NCK1: variants seen among roughly 807,000 people sequenced by gnomAD.
The protein encoded by NCK1 is SH2/SH3 adapter protein NCK1.
Under a neutral mutation model 36.6 loss-of-function variants are expected in NCK1, and 19 were observed. The ratio of observed to expected loss-of-function variants is 0.52; its 90% CI spans 0.36 to 0.76. The LOEUF (loss-of-function observed/expected upper bound fraction) is 0.76. Ranked by LOEUF, NCK1 falls within the 30% of genes least tolerant of loss-of-function variation. The probability of loss-of-function intolerance (pLI) is 0.00; values close to 1 mark genes in which losing one functional copy is unlikely to be tolerated. For synonymous variants in NCK1, 165 were observed against 156.0 expected, an observed-to-expected ratio of 1.06 and a Z score of -0.43; for missense variants, 358 against 445.6, an observed-to-expected ratio of 0.80 and a Z score of 1.77.
At chr3:136,940,109 G>A (rs1940633203) in intron 2 of NCK1, among the ~76,000 whole-genome samples, 3 of 152,034 alleles carry the variant, frequency 2.0e-5, no homozygotes, top group South Asian at 4.2e-4. Flanking sequence ...GTGATCCCCC[G>A]ACCTTGGACT....
At chr3:136,937,990 C>T (rs985863050) in intron 2 of NCK1, among the ~76,000 whole-genome samples, 1 of 152,126 alleles carries the variant, frequency 6.6e-6, no homozygotes, top group Admixed American at 6.5e-5. Flanking sequence ...CCTGTTCTTA[C>T]GGTGGAAAAC....
At position 136,948,695 on chromosome 3, in the gene NCK1, C is replaced by T; in HGVS notation, c.*242C>T. The T allele has an allele frequency of 3.5e-6, 1 of 285,768 alleles. No homozygotes were observed. The highest frequency in any genetic ancestry group is 6.5e-6 in the Non-Finnish European group (1 of 154,832). The allele number at this position is 285,768 out of a possible 1,614,324, so 17.7% of individuals were successfully genotyped here. On this transcript the variant is annotated 3_prime_UTR_variant, in exon 4 of 4. Transcript: ENST00000481752. ...TTATTGTTTTTTTCTTTGCTGTTTT[C>T]CCTTTGCTTCTAATATTACAGTTTT...
intron 1 of NCK1, among the ~76,000 whole-genome samples, chr3:136,887,696 G>T (rs1290207578): frequency 6.6e-6 from 1 of 152,116 alleles, no homozygotes; most frequent in Non-Finnish European, 1.5e-5. Context: ...AGAATTTTTA[G>T]CATTAGGTAG....
At chr3:136,895,599 CTG>C (rs1459430153) in intron 1 of NCK1, among the ~76,000 whole-genome samples, 1 of 152,004 alleles carries the variant, frequency 6.6e-6, no homozygotes, top group Non-Finnish European at 1.5e-5. Flanking sequence ...GAGTCCCACT[CTG>C]TTGCCCAGGC....
At chr3:136,875,740 TCAA>T (rs1173071119) in intron 1 of NCK1, among the ~76,000 whole-genome samples, 2 of 148,952 alleles carry the variant, frequency 1.3e-5, no homozygotes, top group Non-Finnish European at 3.0e-5. Context: ...ATTAGACAGA[TCAA>T]CGAGACAGAA....
intron 1 of NCK1, among the ~76,000 whole-genome samples, chr3:136,878,580 T>C (rs1466488607): frequency 6.6e-6 from 1 of 152,152 alleles, no homozygotes. Flanking sequence ...AGTTTCTTTT[T>C]GGGGTGACAA....
chr3:136,945,466 TA>T, intron 2 of NCK1, 116 bp from the exon 3 acceptor site: 2 of 667,986 alleles, frequency 3.0e-6, no homozygotes, highest in Non-Finnish European at 4.6e-6. Flanking sequence ...TTGTTATATT[TA>T]AAAGCTTTAA....
intron 1 of NCK1, among the ~76,000 whole-genome samples, chr3:136,865,555 T>C (rs1248845656): frequency 6.6e-6 from 1 of 152,218 alleles, no homozygotes; most frequent in South Asian, 2.1e-4. Flanking sequence ...ACAGATACAG[T>C]TCATTTTTAA....
intron 2 of NCK1, among the ~76,000 whole-genome samples, chr3:136,931,850 C>T (rs769283432): frequency 3.0e-4 from 45 of 152,154 alleles, no homozygotes; most frequent in Non-Finnish European, 5.7e-4. Context: ...CTAGGCGTGG[C>T]AGCTCAAGCC....
intron 1 of NCK1, among the ~76,000 whole-genome samples, chr3:136,895,147 T>A (rs1044445586): frequency 1.1e-4 from 16 of 152,204 alleles, no homozygotes; most frequent in African/African-American, 3.4e-4. Context: ...AGTGCTAGGA[T>A]TATAGGCATG....
intron 1 of NCK1, among the ~76,000 whole-genome samples, chr3:136,868,898 TCATCTGTCAGGAAC>T (rs1938525427): frequency 6.6e-6 from 1 of 152,186 alleles, no homozygotes. Context: ...GTCCTCTTGT[TCATCTGTCAGGAAC>T]CATCACTTCT....
At chr3:136,870,028 GTTTTTTTT>G (rs749807329) in intron 1 of NCK1, among the ~76,000 whole-genome samples, 2 of 96,822 alleles carry the variant, frequency 2.1e-5, no homozygotes, top group Non-Finnish European at 3.9e-5. Context: ...TTTCTCAAAA[GTTTTTTTT>G]TTTTTTTTTT....
chr3:136,913,953 C>T (rs1202194314), intron 1 of NCK1, among the ~76,000 whole-genome samples: 3 of 152,206 alleles, frequency 2.0e-5, no homozygotes, highest in East Asian at 3.8e-4. Flanking sequence ...AGCCACCACG[C>T]CCAGCCGCAC....
At chr3:136,866,387 A>C (rs1390178412) in intron 1 of NCK1, among the ~76,000 whole-genome samples, 1 of 149,610 alleles carries the variant, frequency 6.7e-6, no homozygotes, top group Admixed American at 6.7e-5. Context: ...GGCTCCCCGT[A>C]ACCTCTGCCT....
In NCK1 at chr3:136,891,075, G is replaced by A. The variant is rs545919325; in HGVS notation, c.-19+28722G>A. On this transcript the variant is annotated intron_variant, in intron 1 of 3. Transcript: ENST00000481752. ...TAGCATGTGTCTAAAGTTCCTCCCCGACCAAAGGCTGGTACTGTTCCGTTG... is the reference window on the plus strand; with the variant it reads ...TAGCATGTGTCTAAAGTTCCTCCCCAACCAAAGGCTGGTACTGTTCCGTTG... 1.3e-4 allele frequency among the ~76,000 whole-genome samples: 20 copies of A among 152,288 alleles called. No homozygotes were observed. In the South Asian group the frequency reaches 2.5e-3, roughly 19 times the overall value.
At chr3:136,881,686 C>G (rs1938941915) in intron 1 of NCK1, among the ~76,000 whole-genome samples, 1 of 152,132 alleles carries the variant, frequency 6.6e-6, no homozygotes, top group Admixed American at 6.5e-5. Context: ...CCAAGTCTTC[C>G]CTCCTCCTAG....
At chr3:136,939,875 G>A (rs1168926204) in intron 2 of NCK1, among the ~76,000 whole-genome samples, 38 of 122,704 alleles carry the variant, frequency 3.1e-4, no homozygotes, top group Non-Finnish European at 5.6e-4. Flanking sequence ...AATAGAGACA[G>A]GGTCTCTCTT....
chr3:136,935,848 C>A (rs892985420), intron 2 of NCK1, among the ~76,000 whole-genome samples: 1 of 152,082 alleles, frequency 6.6e-6, no homozygotes, highest in Non-Finnish European at 1.5e-5. Flanking sequence ...TAGTCACTCT[C>A]AATCAGTCCC....
rs1056949759 is a variant in NCK1, at chr3:136,904,419, C to G, written c.-18-23565C>G. Among the ~76,000 whole-genome samples, 4 of 152,306 alleles carry G rather than the reference C, an allele frequency of 2.6e-5. No individual in the cohort carries two copies. The South Asian group carries it at 8.3e-4, about 32-fold the overall frequency. On this transcript the variant is annotated intron_variant, in intron 1 of 3. Coordinates refer to ENST00000481752, the MANE Select transcript of NCK1 (RefSeq NM_001291999.2). ...CCACCTGCCTCAGCCTCCCAAAGTG[C>G]TAGGATTACAGGCGTGAGCCACCGT...
Sources: gnomAD v4.1 joint callset for allele counts (sites outside exome capture counted in the v4.1 genomes callset) on GRCh38, gnomAD v4.1.1 for gene constraint, MANE v1.5 for transcripts, NCBI Gene and HGNC (gene_info 2026-07-23, HGNC 2026-07-21) for gene names.